The following MEF2C variants were observed in gnomAD, a reference collection of about 807,000 sequenced individuals.
MEF2C encodes the protein myocyte enhancer factor 2C, also known as myocyte-specific enhancer factor 2C.
Under a neutral mutation model 50.5 loss-of-function variants are expected in MEF2C, and 6 were observed. The ratio of observed to expected loss-of-function variants is 0.12; its 90% CI spans 0.07 to 0.23. The LOEUF is 0.23. MEF2C is among the 10% of genes least tolerant of loss of function. The probability of loss-of-function intolerance (pLI) is 1.00; values close to 1 mark genes in which losing one functional copy is unlikely to be tolerated. For missense variants in MEF2C, 276 were observed against 605.0 expected, an observed-to-expected ratio of 0.46 and a Z score of 5.70; for synonymous variants, 183 against 228.0, an observed-to-expected ratio of 0.80 and a Z score of 1.78.
At chr5:88,882,850 A>C (rs1011626781) in intron 1 of MEF2C, 105 bp downstream of exon 1, 1 of 152,186 alleles carries the variant, frequency 6.6e-6, no homozygotes, top group African/African-American at 2.4e-5. Context: ...GCCTTCAAAA[A>C]AGGCACAGGG....
At chr5:88,730,915 G>A (rs773526553) in intron 7 of MEF2C, among the ~76,000 whole-genome samples, 19 of 152,138 alleles carry the variant, frequency 1.2e-4, no homozygotes, top group South Asian at 2.1e-4. Flanking sequence ...GGTTTTAAAC[G>A]TTCTTGCTCT....
chr5:88,762,927 A>T (rs1475313560), intron 3 of MEF2C, among the ~76,000 whole-genome samples: 2 of 152,212 alleles, frequency 1.3e-5, no homozygotes, highest in Admixed American at 1.3e-4. Flanking sequence ...AAATAAAACA[A>T]CATGAGTTAA....
chr5:88,743,286 C>A (rs1767724370), intron 6 of MEF2C: 1 of 985,130 alleles, frequency 1.0e-6, no homozygotes, highest in Non-Finnish European at 1.2e-6. Flanking sequence ...TTAAAGCCAA[C>A]TTTTTAAACT....
chr5:88,738,180 A>T, intron 6 of MEF2C: 1 of 985,276 alleles, frequency 1.0e-6, no homozygotes, highest in Non-Finnish European at 1.2e-6. Context: ...TCTCAATAGA[A>T]GTATTTCCCT....
At chr5:88,890,730 C>G (rs1473817006) in intron 1 of MEF2C, among the ~76,000 whole-genome samples, 1 of 152,192 alleles carries the variant, frequency 6.6e-6, no homozygotes, top group East Asian at 1.9e-4. Context: ...CTTGGAGTTT[C>G]TGTTACTTGG....
At chr5:88,884,149 T>C (rs1473022377), upstream of MEF2C, among the ~76,000 whole-genome samples, 1 of 152,212 alleles carries the variant, frequency 6.6e-6, no homozygotes, top group Non-Finnish European at 1.5e-5. Flanking sequence ...TGCGGCGCGC[T>C]CGCTTGCTCT....
intron 1 of MEF2C, among the ~76,000 whole-genome samples, chr5:88,857,267 G>T (rs1823769811): frequency 6.6e-6 from 1 of 152,176 alleles, no homozygotes; most frequent in Admixed American, 6.5e-5. Context: ...CAGTTTGAAT[G>T]GGTGTATTTT....
At chr5:88,723,640 C>A (rs1345337581) in intron 10 of MEF2C, among the ~76,000 whole-genome samples, 2 of 152,208 alleles carry the variant, frequency 1.3e-5, no homozygotes, top group African/African-American at 4.8e-5. Context: ...TTTCTTCATC[C>A]TTTTGCAGTT....
chr5:88,779,238 TA>T (rs1465579000), intron 3 of MEF2C, among the ~76,000 whole-genome samples: 1 of 152,174 alleles, frequency 6.6e-6, no homozygotes, highest in Non-Finnish European at 1.5e-5. Flanking sequence ...CACTTCTTTT[TA>T]AAAGATCACT....
chr5:88,864,668 C>T (rs538536023), intron 1 of MEF2C, among the ~76,000 whole-genome samples: 2 of 152,164 alleles, frequency 1.3e-5, no homozygotes, highest in Admixed American at 6.5e-5. Flanking sequence ...TATAGCTCAG[C>T]ACAGCCTTGA....
chr5:88,764,807 CAAAAAAAAAAAAAA>C (rs869119169), intron 3 of MEF2C, among the ~76,000 whole-genome samples: 5 of 73,850 alleles, frequency 6.8e-5, no homozygotes, highest in Non-Finnish European at 1.2e-4. Flanking sequence ...GACTCCATCT[CAAAAAAAAAAAAAA>C]AAAAAAAAAG....
chr5:88,847,493 T>A (rs908321845), intron 1 of MEF2C, among the ~76,000 whole-genome samples: 1 of 152,158 alleles, frequency 6.6e-6, no homozygotes, highest in Non-Finnish European at 1.5e-5. Flanking sequence ...TTCACTTACA[T>A]ACTTTAATTC....
intron 6 of MEF2C, chr5:88,733,495 G>T: frequency 1.0e-6 from 1 of 985,364 alleles, no homozygotes; most frequent in Non-Finnish European, 1.2e-6. Context: ...AATTAGTAAG[G>T]CCTGCTAGTG....
rs1289224454 is a variant in MEF2C, at chr5:88,719,384, A to G, written c.*3220T>C. The G allele has an allele frequency of 6.6e-6, 1 of 152,238 alleles. No individual in the cohort carries two copies. Among genetic ancestry groups the G allele is most frequent in the African/African-American group, 2.4e-5 (1 of 41,468 alleles). 9.4% of individuals were successfully genotyped at this position (152,238 alleles called of 1,614,324 possible). On this transcript the variant is annotated 3_prime_UTR_variant, in exon 11 of 11. Transcript: ENST00000504921. ...GCCTCCACGCAGCAATGCATACAAT[A>G]TACAGGTTGTGCAGCTTGCGTATAT...
At chr5:88,736,997 T>C (rs1265637888) in intron 6 of MEF2C, 1 of 985,176 alleles carries the variant, frequency 1.0e-6, no homozygotes, top group Non-Finnish European at 1.2e-6. Context: ...TCCCCTCTGC[T>C]GCAATTAGTG....
chr5:88,742,092 C>A, intron 6 of MEF2C: 1 of 985,368 alleles, frequency 1.0e-6, no homozygotes, highest in Non-Finnish European at 1.2e-6. Context: ...GCAGATTATA[C>A]TCTTGGCTGA....
intron 1 of MEF2C, among the ~76,000 whole-genome samples, chr5:88,878,733 TAA>T (rs1831897017): frequency 6.6e-6 from 1 of 151,976 alleles, no homozygotes; most frequent in Non-Finnish European, 1.5e-5. Flanking sequence ...TTTTCAAGTG[TAA>T]AGACACAGCA....
Position 88,718,402 on chromosome 5 carries a change from T to C in MEF2C, c.*4202A>G, listed in dbSNP as rs899572586. 1.3e-5 allele frequency: 2 copies of C among 152,208 alleles called. No individual in the cohort carries two copies. The highest frequency in any genetic ancestry group is 2.9e-5 in the Non-Finnish European group (2 of 68,030). 9.4% of individuals were successfully genotyped at this position (152,208 alleles called of 1,614,324 possible). On this transcript the variant is annotated 3_prime_UTR_variant, in exon 11 of 11. Coordinates refer to ENST00000504921, the MANE Select transcript of MEF2C (RefSeq NM_002397.5). The stretch of plus-strand genomic sequence containing the variant: ...GATGTGGTTTAACTTAGTTATAACA[T>C]CTTGTCATCTAGTGGCGACAAAGTC...
At chr5:88,790,062 C>T (rs1042853699) in intron 3 of MEF2C, among the ~76,000 whole-genome samples, 1 of 152,210 alleles carries the variant, frequency 6.6e-6, no homozygotes, top group Non-Finnish European at 1.5e-5. Context: ...TAACTGTGTG[C>T]TCCAGGCAGC....
Sources: allele counts gnomAD v4.1 joint callset (sites outside exome capture counted in the v4.1 genomes callset), GRCh38; gene constraint gnomAD v4.1.1; transcripts MANE v1.5; gene names NCBI Gene and HGNC (gene_info 2026-07-23, HGNC 2026-07-21).